Variants in AUH observed in about 807,000 individuals in gnomAD.
The protein encoded by AUH is AU RNA binding methylglutaconyl-CoA hydratase.
Under a neutral mutation model 42.3 loss-of-function variants are expected in AUH, and 29 were observed. That is an observed-to-expected ratio of 0.69 (90% CI 0.51 to 0.93). The LOEUF is 0.93. Among genes scored for constraint, AUH ranks in the 40% least tolerant of loss-of-function variants. AUH has a pLI of 0.00. For missense variants in AUH, 452 were observed against 438.1 expected (o/e 1.03, Z -0.28); for synonymous variants, 174 against 166.4 (o/e 1.05, Z -0.35).
At chr9:91,278,022 C>T (rs1825680536) in intron 6 of AUH, among the ~76,000 whole-genome samples, 1 of 152,076 alleles carries the variant, frequency 6.6e-6, no homozygotes, top group African/African-American at 2.4e-5. Context: ...GAGGAGGCAT[C>T]GTAGAGGCAG....
chr9:91,358,616 T>C (rs894432734), intron 1 of AUH, among the ~76,000 whole-genome samples: 10 of 152,330 alleles, frequency 6.6e-5, no homozygotes, highest in Non-Finnish European at 1.5e-4. Flanking sequence ...TTAACCTCCC[T>C]TCTAGCATGA....
At chr9:91,252,836 AATTTTTAC>A (rs1170713049) in intron 6 of AUH, among the ~76,000 whole-genome samples, 4 of 152,236 alleles carry the variant, frequency 2.6e-5, no homozygotes, top group African/African-American at 4.8e-5. Flanking sequence ...ACAATCTTTT[AATTTTTAC>A]ATTTTTACTA....
At chr9:91,292,271 CTCTTT>C (rs1252795882) in intron 6 of AUH, among the ~76,000 whole-genome samples, 15 of 148,832 alleles carry the variant, frequency 1.0e-4, no homozygotes, top group Non-Finnish European at 2.2e-4. Context: ...CCTGGGAACC[CTCTTT>C]TTTTTTTTTT....
chr9:91,314,744 A>T (rs1177017172), intron 4 of AUH, among the ~76,000 whole-genome samples: 2 of 152,106 alleles, frequency 1.3e-5, no homozygotes, highest in African/African-American at 4.8e-5. Context: ...AACGGGCTAA[A>T]GAGAAACCAG....
At chr9:91,231,288 T>A (rs1220145243) in intron 6 of AUH, among the ~76,000 whole-genome samples, 1 of 152,340 alleles carries the variant, frequency 6.6e-6, no homozygotes, top group African/African-American at 2.4e-5. Context: ...AAGCGCAGTA[T>A]TCGGGTCGGG....
chr9:91,225,776 C>T (rs1158274054), intron 6 of AUH, among the ~76,000 whole-genome samples: 1 of 148,450 alleles, frequency 6.7e-6, no homozygotes, highest in African/African-American at 2.5e-5. Flanking sequence ...TTGTTCAATT[C>T]CCACCTATGA....
At chr9:91,355,785 A>G in intron 3 of AUH, 98 bp downstream of exon 3, 1 of 1,062,516 alleles carries the variant, frequency 9.4e-7, no homozygotes, top group Non-Finnish European at 1.4e-6. Context: ...GTTGTTGGTA[A>G]TGGGGTTCAA....
chr9:91,361,489 G>A (rs1389726527), intron 1 of AUH, 139 bp downstream of exon 1: 7 of 1,222,578 alleles, frequency 5.7e-6, no homozygotes, highest in East Asian at 5.6e-5. Flanking sequence ...GTAGGGAGGT[G>A]AGAAAGGGGA....
In AUH at chr9:91,325,441, T is replaced by C. The variant is rs1362560153; in HGVS notation, c.419-37A>G. The C allele has an allele frequency of 3.2e-6, 5 of 1,575,898 alleles. No homozygotes were observed. The South Asian group carries it at 3.3e-5, about 10-fold the overall frequency. ...TTTATTTACAAATATAATCTAGTTG[T>C]AAACAAAATTTTAAGGCAAAGAATT... On this transcript the variant is annotated intron_variant, in intron 3 of 9. Coordinates refer to ENST00000375731, the MANE Select transcript of AUH (RefSeq NM_001698.3).
chr9:91,234,045 C>A (rs1245915016), intron 6 of AUH, among the ~76,000 whole-genome samples: 2 of 152,202 alleles, frequency 1.3e-5, no homozygotes, highest in Admixed American at 1.3e-4. Context: ...CAGAGAGAGA[C>A]TTCTAAACAA....
intron 4 of AUH, among the ~76,000 whole-genome samples, chr9:91,311,462 C>T (rs183742273): frequency 9.8e-5 from 15 of 152,332 alleles, no homozygotes; most frequent in Non-Finnish European, 2.1e-4. Context: ...TTGCCTCACA[C>T]TAAATTCTGT....
chr9:91,358,939 T>A (rs2132105341), intron 1 of AUH, among the ~76,000 whole-genome samples: 1 of 152,294 alleles, frequency 6.6e-6, no homozygotes, highest in East Asian at 1.9e-4. Context: ...AGTTTTTTTT[T>A]ATAACTGTCT....
chr9:91,249,552 A>G (rs1460060083), intron 6 of AUH, among the ~76,000 whole-genome samples: 2 of 152,148 alleles, frequency 1.3e-5, no homozygotes, highest in African/African-American at 4.8e-5. Flanking sequence ...TCAGCAATAT[A>G]AGAGATACTT....
intron 6 of AUH, among the ~76,000 whole-genome samples, chr9:91,252,039 T>C (rs1829155292): frequency 6.6e-6 from 1 of 152,176 alleles, no homozygotes; most frequent in Non-Finnish European, 1.5e-5. Context: ...CGATCTCGGC[T>C]CACTGCAACC....
chr9:91,338,509 C>G (rs573282117), intron 3 of AUH, among the ~76,000 whole-genome samples: 53 of 152,308 alleles, frequency 3.5e-4, no homozygotes, highest in African/African-American at 1.2e-3. Context: ...CGGCTCACTG[C>G]AACATCCACC....
intron 6 of AUH, among the ~76,000 whole-genome samples, chr9:91,276,316 A>C (rs1339753032): frequency 3.3e-5 from 5 of 151,918 alleles, no homozygotes; most frequent in Non-Finnish European, 7.4e-5. Flanking sequence ...CTGTAATCCC[A>C]GCTACTTGAG....
chr9:91,286,954 A>G (rs1166496343), intron 6 of AUH, among the ~76,000 whole-genome samples: 1 of 152,154 alleles, frequency 6.6e-6, no homozygotes, highest in African/African-American at 2.4e-5. Flanking sequence ...ATATATACAC[A>G]CACACTAATG....
At chr9:91,289,158 C>G (rs1826659362) in intron 6 of AUH, among the ~76,000 whole-genome samples, 1 of 152,148 alleles carries the variant, frequency 6.6e-6, no homozygotes, top group South Asian at 2.1e-4. Flanking sequence ...CTTACAAATG[C>G]TGGCCAGTAT....
chr9:91,261,833 T>C (rs1218560021), intron 6 of AUH, among the ~76,000 whole-genome samples: 2 of 152,222 alleles, frequency 1.3e-5, no homozygotes, highest in African/African-American at 4.8e-5. Flanking sequence ...CCCAATTCTC[T>C]AGTAATTTAA....
Sources: allele counts gnomAD v4.1 joint callset (sites outside exome capture counted in the v4.1 genomes callset), GRCh38; gene constraint gnomAD v4.1.1; transcripts MANE v1.5; gene names NCBI Gene and HGNC (gene_info 2026-07-23, HGNC 2026-07-21).